The following NEK9 variants were observed in gnomAD, a reference collection of about 807,000 sequenced individuals.
NEK9 encodes the protein serine/threonine-protein kinase Nek9.
NEK9 carries 75 observed loss-of-function variants against 123.4 expected under a neutral mutation model. The observed-to-expected ratio is 0.61, with a 90% CI of 0.50 to 0.74. NEK9 has a LOEUF of 0.74. Ranked by LOEUF, NEK9 falls within the 30% of genes least tolerant of loss-of-function variation. NEK9 has a pLI of 0.00. For missense variants in NEK9, 952 were observed against 1,214.4 expected (o/e 0.78, Z 3.21); for synonymous variants, 438 against 458.7 (o/e 0.95, Z 0.58).
At chr14:75,121,078 A>T in intron 3 of NEK9, 41 bp downstream of exon 3, 2 of 1,474,120 alleles carry the variant, frequency 1.4e-6, no homozygotes, top group Middle Eastern at 1.7e-4. Flanking sequence ...AAGAATTACA[A>T]CACTACAATT....
Position 75,118,813 on chromosome 14 carries a change from ACAAGGGCAACACATAC to A in NEK9, c.630+1_630+16del. On this transcript the variant is annotated splice_donor_variant and splice_donor_5th_base_variant and intron_variant, in intron 5 of 21. Coordinates refer to ENST00000238616, the MANE Select transcript of NEK9 (RefSeq NM_033116.6). LOFTEE classifies it high-confidence loss of function. ...GCTAGAAAATAAAATAAAAATTAAGACAAGGGCAACACATACCGTCTCAGCCATGGAATACTCAGAA... is the reference window on the plus strand; with the variant it reads ...GCTAGAAAATAAAATAAAAATTAAGACGTCTCAGCCATGGAATACTCAGAA... The A allele has an allele frequency of 7.3e-7, 1 of 1,362,014 alleles. No individual in the cohort carries two copies. The highest frequency in any genetic ancestry group is 1.0e-6 in the Non-Finnish European group (1 of 956,800). 84.4% of individuals were successfully genotyped at this position (1,362,014 alleles called of 1,614,324 possible).
At chr14:75,123,365 C>T (rs1036127550) in intron 2 of NEK9, among the ~76,000 whole-genome samples, 3 of 152,022 alleles carry the variant, frequency 2.0e-5, no homozygotes, top group Non-Finnish European at 4.4e-5. Flanking sequence ...GGCACCATTG[C>T]ACTCCAGCCT....
chr14:75,094,912 C>T (rs1422760293), intron 18 of NEK9, among the ~76,000 whole-genome samples: 1 of 152,090 alleles, frequency 6.6e-6, no homozygotes, highest in Non-Finnish European at 1.5e-5. Flanking sequence ...TAATAGAGAA[C>T]CATGAAGACA....
chr14:75,100,422 G>A (rs899382246), intron 16 of NEK9, among the ~76,000 whole-genome samples: 1 of 152,010 alleles, frequency 6.6e-6, no homozygotes, highest in Admixed American at 6.6e-5. Flanking sequence ...CTCCAGCCTG[G>A]GCAACAAGAG....
intron 6 of NEK9, chr14:75,116,690 C>T (rs965928227): frequency 3.4e-5 from 6 of 173,948 alleles, no homozygotes; most frequent in South Asian, 1.2e-4. Context: ...TACAGTGGTG[C>T]GATCTTGGCT....
At chr14:75,094,089 AAG>A (rs1470686540) in intron 18 of NEK9, among the ~76,000 whole-genome samples, 1 of 152,242 alleles carries the variant, frequency 6.6e-6, no homozygotes, top group Non-Finnish European at 1.5e-5. Context: ...TGCTTAGCGA[AAG>A]ATCTTCAGTC....
chr14:75,110,000 G>A (rs950562069), intron 9 of NEK9, 123 bp from the exon 10 acceptor site: 22 of 1,009,946 alleles, frequency 2.2e-5, no homozygotes, highest in Admixed American at 5.8e-5. Flanking sequence ...GTTCTTTCTC[G>A]ACAACTTGTT....
chr14:75,126,963 G>T lies in NEK9; in HGVS notation c.-42C>A. On this transcript the variant is annotated 5_prime_UTR_variant, in exon 1 of 22. Transcript: ENST00000238616. ...CTTGGGGACCAGCCTGCGTATGCCC[G>T]GAGGCCCTGGCCGCGCTGCGTCCCG... 7.2e-7 allele frequency: 1 copy of T among 1,389,618 alleles called. No individual in the cohort carries two copies. The highest frequency in any genetic ancestry group is 9.4e-7 in the Non-Finnish European group (1 of 1,060,698). 86.1% of individuals were successfully genotyped at this position (1,389,618 alleles called of 1,614,324 possible).
intron 14 of NEK9, among the ~76,000 whole-genome samples, chr14:75,103,111 A>G (rs762928498): frequency 2.6e-4 from 39 of 152,094 alleles, no homozygotes; most frequent in Non-Finnish European, 3.7e-4. Context: ...GTTAATGGGT[A>G]CAGCACACCA....
At position 75,088,489 on chromosome 14, in the gene NEK9, T is replaced by C; in HGVS notation, c.2595A>G (p.Val865=). 6.2e-7 allele frequency: 1 copy of C among 1,613,778 alleles called. No individual in the cohort carries two copies. The highest frequency in any genetic ancestry group is 8.5e-7 in the Non-Finnish European group (1 of 1,179,846). Residue 865 remains valine (V), a synonymous_variant, in exon 20 of 22, where the codon GTA becomes GTG. Transcript: ENST00000238616. ...CAAAAAGCTCAGTTACCGAGGCTTCTACTTGGGGTTTGTGTTCCAAAGGAG... is the reference window on the plus strand; with the variant it reads ...CAAAAAGCTCAGTTACCGAGGCTTCCACTTGGGGTTTGTGTTCCAAAGGAG... ...SEAPLEHKPQ[V]EASSPRLNPA...
In NEK9 at chr14:75,120,374, T is replaced by C. The variant is rs985537229; in HGVS notation, c.524+136A>G. The C allele has an allele frequency of 2.3e-5, 13 of 568,662 alleles. No homozygotes were observed. In the East Asian group the frequency reaches 3.8e-4, roughly 17 times the overall value. The allele number at this position is 568,662 out of a possible 1,614,324, so 35.2% of individuals were successfully genotyped here. A position where few individuals can be genotyped will look rare whatever the true frequency, so the allele number is the denominator to read the frequency against. On this transcript the variant is annotated intron_variant, in intron 4 of 21. Transcript: ENST00000238616. ...GAGTGAAAATAATATTGCTCATTACTTTCCTTTCCTAGTGATATCAATGGA... is the reference window on the plus strand; with the variant it reads ...GAGTGAAAATAATATTGCTCATTACCTTCCTTTCCTAGTGATATCAATGGA...
At chr14:75,084,898 T>G (rs1490337955) in intron 21 of NEK9, 1 of 522,942 alleles carries the variant, frequency 1.9e-6, no homozygotes, top group African/African-American at 1.9e-5. Context: ...ACTATCCAGG[T>G]TTGTCCAGGA....
rs964810672 is a variant in NEK9, at chr14:75,087,164, C to G, written c.2671G>C (p.Ala891Pro). Reference sequence around the variant, plus strand: ...ACCTCCACCTGCAGAGAGCTGCACGCACACGCAGGAGGAGTCAGTGGTGTT... The same window carrying G: ...ACCTCCACCTGCAGAGAGCTGCACGGACACGCAGGAGGAGTCAGTGGTGTT... The part of the protein sequence containing the change: ...KGTPLTPPAC[A>P]CSSLQVEVER... The change falls in exon 21 of 22, where the codon GCG (alanine) becomes CCG (proline). Residue 891 changes from alanine to proline, a missense_variant. Coordinates refer to ENST00000238616, the MANE Select transcript of NEK9 (RefSeq NM_033116.6). 1.2e-6 allele frequency: 2 copies of G among 1,614,180 alleles called. No individual in the cohort carries two copies. The highest frequency in any genetic ancestry group is 1.7e-5 in the Admixed American group (1 of 60,014).
intron 4 of NEK9, among the ~76,000 whole-genome samples, 167 bp from the exon 5 acceptor site, chr14:75,119,102 G>C (rs1895238385): frequency 6.6e-6 from 1 of 152,026 alleles, no homozygotes; most frequent in Non-Finnish European, 1.5e-5. Context: ...TACTGCTTGA[G>C]GCCAGGAGTT....
At chr14:75,112,137 A>T (rs766124684) in intron 8 of NEK9, among the ~76,000 whole-genome samples, 3 of 152,196 alleles carry the variant, frequency 2.0e-5, no homozygotes, top group Non-Finnish European at 2.9e-5. Context: ...TAGTAGAATA[A>T]AAGTACTGAT....
chr14:75,091,451 C>G lies in NEK9; in HGVS notation c.2261G>C (p.Gly754Ala). 6.2e-7 allele frequency: 1 copy of G among 1,603,006 alleles called. No homozygotes were observed. Among genetic ancestry groups the G allele is most frequent in the Non-Finnish European group, 8.5e-7 (1 of 1,175,272 alleles). The change falls in exon 19 of 22, where the codon GGC (glycine) becomes GCC (alanine). Residue 754 changes from glycine to alanine, a missense_variant. Gly to Ala is a moderately conservative substitution (Grantham distance 60). Around this residue, in one of 4 missense-constraint regions of NEK9, gnomAD observed 698 missense variants for 875.6 expected, o/e 0.80. Coordinates refer to ENST00000238616, the MANE Select transcript of NEK9 (RefSeq NM_033116.6). ...TTCTTCACCACCGCCGCCCCCGCCG[C>G]CTCCTCCCGGGCTAGAGCTCTGAAA... ...TVFQSSSPGG[G>A]GGGGGGEEED...
intron 6 of NEK9, among the ~76,000 whole-genome samples, chr14:75,115,110 T>C (rs1328177543): frequency 3.3e-5 from 1 of 30,594 alleles, no homozygotes; most frequent in African/African-American, 9.6e-5. Flanking sequence ...CACACGTGTG[T>C]GCGTACACAC....
chr14:75,104,111 A>G (rs1325694528), intron 13 of NEK9, 114 bp from the exon 14 acceptor site: 1 of 1,042,720 alleles, frequency 9.6e-7, no homozygotes, highest in African/African-American at 1.6e-5. Flanking sequence ...ACTACAGGAA[A>G]GTGAGGACTG....
At position 75,104,008 on chromosome 14, in the gene NEK9, A is replaced by C. The variant is rs1894680306; in HGVS notation, c.1576-11T>G. The stretch of plus-strand genomic sequence containing the variant: ...CTTGGGAACATCCACCTGCAAGAAA[A>C]AAATCAGAAAAAGAAATCCCAAATA... On this transcript the variant is annotated splice_polypyrimidine_tract_variant and intron_variant, in intron 13 of 21. Coordinates refer to ENST00000238616, the MANE Select transcript of NEK9 (RefSeq NM_033116.6). 1 of 1,596,670 alleles carries C rather than the reference A, an allele frequency of 6.3e-7. No individual in the cohort carries two copies. The highest frequency in any genetic ancestry group is 8.5e-7 in the Non-Finnish European group (1 of 1,174,740).
Sources: allele counts gnomAD v4.1 joint callset (sites outside exome capture counted in the v4.1 genomes callset), GRCh38; gene constraint gnomAD v4.1.1; regional missense constraint gnomAD v4.1.1; transcripts MANE v1.5; gene names NCBI Gene and HGNC (gene_info 2026-07-23, HGNC 2026-07-21).